Variants in TRMT11 observed in about 807,000 individuals in gnomAD.
TRMT11 encodes the protein tRNA (guanine(10)-N(2))-methyltransferase TRMT11.
In TRMT11, 53 loss-of-function variants were observed where a neutral mutation model predicts 62.8. The ratio of observed to expected loss-of-function variants is 0.84; its 90% CI spans 0.68 to 1.06. The LOEUF (loss-of-function observed/expected upper bound fraction) is 1.06. TRMT11 is among the 50% of genes least tolerant of loss of function. The pLI, the probability that TRMT11 is intolerant of heterozygous loss-of-function variation, is 0.00. For synonymous variants in TRMT11, 188 were observed against 190.3 expected, an observed-to-expected ratio of 0.99 and a Z score of 0.10; for missense variants, 556 against 553.4, an observed-to-expected ratio of 1.00 and a Z score of -0.05.
At chr6:126,093,631 A>ATATATATATTTTTT (rs1554236842) in intron 17 of TRMT11, among the ~76,000 whole-genome samples, 1 of 98,016 alleles carries the variant, frequency 1.0e-5, no homozygotes, top group East Asian at 3.0e-4. Flanking sequence ...ATATATATAT[A>ATATATATATTTTTT]TTTTCCCCCA....
chr6:126,238,553 T>TG, the TRMT11 span, among the ~76,000 whole-genome samples: 3 of 152,184 alleles, frequency 2.0e-5, no homozygotes, highest in African/African-American at 4.8e-5. Context: ...AGTTCTAGTT[T>TG]GATTGCACTG....
chr6:126,079,368 G>A (rs1777107560), intron 17 of TRMT11, among the ~76,000 whole-genome samples: 1 of 152,116 alleles, frequency 6.6e-6, no homozygotes, highest in African/African-American at 2.4e-5. Context: ...ATTTAATGAG[G>A]TTGAGATGCC....
At chr6:126,196,270 CAAG>C (rs1778665668) in intron 1 of TRMT11, among the ~76,000 whole-genome samples, 1 of 152,116 alleles carries the variant, frequency 6.6e-6, no homozygotes, top group Admixed American at 6.5e-5. Flanking sequence ...ACACACGAAA[CAAG>C]GAGGTTGTGG....
At chr6:126,082,250 G>A (rs1777165490) in intron 17 of TRMT11, among the ~76,000 whole-genome samples, 1 of 151,984 alleles carries the variant, frequency 6.6e-6, no homozygotes, top group Admixed American at 6.6e-5. Flanking sequence ...CTGATAATAT[G>A]TATGTCCTAT....
intron 1 of TRMT11, among the ~76,000 whole-genome samples, chr6:125,992,787 G>A (rs1038016428): frequency 6.6e-6 from 1 of 152,082 alleles, no homozygotes; most frequent in South Asian, 2.1e-4. Context: ...ATAACCTTTG[G>A]GCTGCCTTCA....
intron 16 of TRMT11, among the ~76,000 whole-genome samples, chr6:126,046,457 A>G (rs1390238615): frequency 6.6e-6 from 1 of 152,200 alleles, no homozygotes; most frequent in African/African-American, 2.4e-5. Context: ...AAAGCCTTGC[A>G]TACTGGCATG....
intron 17 of TRMT11, among the ~76,000 whole-genome samples, chr6:126,074,951 C>T (rs1313606009): frequency 6.6e-6 from 1 of 151,872 alleles, no homozygotes; most frequent in Non-Finnish European, 1.5e-5. Flanking sequence ...GATTGTCTTC[C>T]GTCTGCACAA....
intron 21 of TRMT11, among the ~76,000 whole-genome samples, chr6:126,151,867 C>CTTTAGTTTCCTTTCT (rs1562334850): frequency 5.4e-5 from 1 of 18,414 alleles, no homozygotes; most frequent in African/African-American, 2.5e-4. Context: ...TCTTTCTTTC[C>CTTTAGTTTCCTTTCT]TTCTTTCTCC....
At chr6:126,243,385 C>A in the TRMT11 span, among the ~76,000 whole-genome samples, 1 of 152,120 alleles carries the variant, frequency 6.6e-6, no homozygotes, top group African/African-American at 2.4e-5. Context: ...GGCGATTCCT[C>A]AGGGATCTAG....
chr6:126,257,695 C>T, the TRMT11 span, among the ~76,000 whole-genome samples: 1 of 151,928 alleles, frequency 6.6e-6, no homozygotes, highest in Non-Finnish European at 1.5e-5. Context: ...AAAGGCATAT[C>T]CTAGCTTTAT....
At chr6:126,147,391 T>C (rs1777986012) in intron 21 of TRMT11, among the ~76,000 whole-genome samples, 1 of 151,628 alleles carries the variant, frequency 6.6e-6, no homozygotes, top group Non-Finnish European at 1.5e-5. Flanking sequence ...AGCTGTTGCT[T>C]TGAAAGTGCA....
the TRMT11 span, among the ~76,000 whole-genome samples, chr6:126,253,989 TCAAA>T: frequency 3.3e-4 from 50 of 152,292 alleles, no homozygotes; most frequent in African/African-American, 1.1e-3. Flanking sequence ...ATTTCTCAGG[TCAAA>T]CAGTCTTATT....
At chr6:126,190,414 C>T (rs1374960929) in intron 1 of TRMT11, among the ~76,000 whole-genome samples, 1 of 152,116 alleles carries the variant, frequency 6.6e-6, no homozygotes, top group Non-Finnish European at 1.5e-5. Flanking sequence ...GCACACACTC[C>T]CTCTTGATGC....
chr6:126,226,687 G>A, the TRMT11 span, among the ~76,000 whole-genome samples: 1 of 152,202 alleles, frequency 6.6e-6, no homozygotes, highest in Non-Finnish European at 1.5e-5. Context: ...TGAAGGAATT[G>A]TTTGTGGGCA....
chr6:126,212,802 T>G, the TRMT11 span, among the ~76,000 whole-genome samples: 3 of 152,130 alleles, frequency 2.0e-5, no homozygotes, highest in African/African-American at 2.4e-5. Flanking sequence ...ATTTGTCCTT[T>G]TTTGTTTTGA....
the TRMT11 span, among the ~76,000 whole-genome samples, chr6:126,267,432 G>A: frequency 6.6e-6 from 1 of 152,168 alleles, no homozygotes; most frequent in Non-Finnish European, 1.5e-5. Context: ...AGGCCTTCTA[G>A]TCAATCTCTC....
the TRMT11 span, among the ~76,000 whole-genome samples, chr6:126,238,618 G>A: frequency 6.6e-6 from 1 of 152,140 alleles, no homozygotes; most frequent in Non-Finnish European, 1.5e-5. Flanking sequence ...GCTGAGGAGT[G>A]CTTTACTTCC....
chr6:126,038,409 A>G lies in TRMT11; in HGVS notation c.1261-296A>G, dbSNP rs989992387. Reference sequence around the variant, plus strand: ...AGAAAGTTATAGCCTTGACTCTGTTACTTGGAACCACTCTCTTTGCCCTGA... The same window carrying G: ...AGAAAGTTATAGCCTTGACTCTGTTGCTTGGAACCACTCTCTTTGCCCTGA... On this transcript the variant is annotated intron_variant, in intron 12 of 12. Coordinates refer to ENST00000334379, the MANE Select transcript of TRMT11 (RefSeq NM_001031712.3). 6.9e-5 allele frequency among the ~76,000 whole-genome samples: 10 copies of G among 145,570 alleles called. No individual in the cohort carries two copies. In the Admixed American group the frequency reaches 7.0e-4, roughly 10 times the overall value.
chr6:126,109,751 C>A (rs1161045372), intron 17 of TRMT11, among the ~76,000 whole-genome samples: 1 of 152,140 alleles, frequency 6.6e-6, no homozygotes, highest in South Asian at 2.1e-4. Context: ...ATTTTATGTG[C>A]CACATAGGTG....
Sources: gnomAD v4.1 joint callset for allele counts (sites outside exome capture counted in the v4.1 genomes callset) on GRCh38, gnomAD v4.1.1 for gene constraint, MANE v1.5 for transcripts, NCBI Gene and HGNC (gene_info 2026-07-23, HGNC 2026-07-21) for gene names.